Variants in ALDH7A1 observed in about 807,000 individuals in gnomAD.
ALDH7A1 encodes alpha-aminoadipic semialdehyde dehydrogenase.
A neutral mutation model predicts 79.9 loss-of-function variants in ALDH7A1; 63 were observed. The ratio of observed to expected loss-of-function variants is 0.79; its 90% CI spans 0.64 to 0.97. ALDH7A1 has a LOEUF of 0.97. Ranked by LOEUF, ALDH7A1 falls within the 50% of genes least tolerant of loss-of-function variation. ALDH7A1 has a pLI of 0.00. For synonymous variants in ALDH7A1, 240 were observed against 231.2 expected (o/e 1.04, Z -0.34); for missense variants, 627 against 665.2 (o/e 0.94, Z 0.63).
intron 7 of ALDH7A1, among the ~76,000 whole-genome samples, chr5:126,574,128 G>A (rs1157418699): frequency 6.6e-6 from 1 of 151,970 alleles, no homozygotes; most frequent in Non-Finnish European, 1.5e-5. Flanking sequence ...TCTAGGCTGG[G>A]CACAGTGGCT....
intron 3 of ALDH7A1, among the ~76,000 whole-genome samples, chr5:126,585,959 A>G (rs143255897): frequency 8.5e-5 from 13 of 152,344 alleles, no homozygotes; most frequent in African/African-American, 2.6e-4. Context: ...CTAGTAAAGA[A>G]AAAAAGAAAC....
intron 12 of ALDH7A1, 46 bp from the exon 13 acceptor site, chr5:126,554,439 G>A: frequency 6.6e-7 from 1 of 1,507,106 alleles, no homozygotes; most frequent in Non-Finnish European, 9.2e-7. Context: ...GCCCTTTATG[G>A]CATCGTTTTA....
intron 7 of ALDH7A1, among the ~76,000 whole-genome samples, chr5:126,572,564 G>A (rs1750811683): frequency 6.6e-6 from 1 of 152,192 alleles, no homozygotes. Flanking sequence ...CCGGCTTATG[G>A]TAAAAATGAT....
At chr5:126,591,201 G>A (rs969558845) in intron 3 of ALDH7A1, among the ~76,000 whole-genome samples, 5 of 151,964 alleles carry the variant, frequency 3.3e-5, no homozygotes. Flanking sequence ...ACACTGTTTT[G>A]GACAGTATTC....
intron 5 of ALDH7A1, among the ~76,000 whole-genome samples, chr5:126,577,599 A>G (rs1291948485): frequency 6.6e-6 from 1 of 151,802 alleles, no homozygotes; most frequent in Admixed American, 6.6e-5. Flanking sequence ...AGTCAGTCTC[A>G]CTCTGTCACC....
chr5:126,590,663 T>C (rs1478657418), intron 3 of ALDH7A1, among the ~76,000 whole-genome samples: 1 of 152,106 alleles, frequency 6.6e-6, no homozygotes, highest in Admixed American at 6.5e-5. Context: ...AGAGGGCAGA[T>C]CGTTTGAACT....
intron 5 of ALDH7A1, among the ~76,000 whole-genome samples, chr5:126,579,404 C>T (rs905691660): frequency 6.6e-6 from 1 of 152,196 alleles, no homozygotes; most frequent in Non-Finnish European, 1.5e-5. Flanking sequence ...ATGTGCCCAC[C>T]ATCCTACCGT....
chr5:126,545,122 GATC>G, intron 17 of ALDH7A1, 103 bp from the exon 18 acceptor site: 1 of 859,498 alleles, frequency 1.2e-6, no homozygotes, highest in Non-Finnish European at 1.9e-6. Context: ...AACAAGGCAA[GATC>G]TCCAAGTTAC....
chr5:126,585,461 G>GCT (rs1260474281), intron 3 of ALDH7A1, among the ~76,000 whole-genome samples: 1 of 152,108 alleles, frequency 6.6e-6, no homozygotes, highest in East Asian at 1.9e-4. Flanking sequence ...GTTCTTCCTT[G>GCT]CTCTCTCTTC....
At chr5:126,583,837 C>CAAA in intron 4 of ALDH7A1, 95 bp downstream of exon 4, 43 of 895,050 alleles carry the variant, frequency 4.8e-5, no homozygotes, top group East Asian at 9.1e-5. Context: ...GACTCCATCT[C>CAAA]AAAAAAAAAA....
At chr5:126,576,724 A>C (rs1238072859) in intron 6 of ALDH7A1, among the ~76,000 whole-genome samples, 2 of 152,060 alleles carry the variant, frequency 1.3e-5, no homozygotes, top group East Asian at 1.9e-4. Flanking sequence ...TCAGGAGTTC[A>C]AAACCAGCCT....
At chr5:126,586,912 C>G (rs925124652) in intron 3 of ALDH7A1, 1 of 151,984 alleles carries the variant, frequency 6.6e-6, no homozygotes, top group Non-Finnish European at 1.5e-5. Flanking sequence ...ATGGTGAGAC[C>G]CTGTCTCTAC....
At chr5:126,550,682 CT>C (rs1749964665) in intron 14 of ALDH7A1, among the ~76,000 whole-genome samples, 1 of 152,166 alleles carries the variant, frequency 6.6e-6, no homozygotes, top group Non-Finnish European at 1.5e-5. Flanking sequence ...CAACTGAGGC[CT>C]ACAGAGACTA....
Position 126,560,240 on chromosome 5 carries a change from G to C in ALDH7A1, c.913+843C>G, listed in dbSNP as rs111408205. 8.5e-3 allele frequency among the ~76,000 whole-genome samples: 1,291 copies of C among 152,322 alleles called. 11 individuals are homozygous for C. Among genetic ancestry groups the C allele is most frequent in the Non-Finnish European group, 0.014 (958 of 68,028 alleles). ...TAATCCCAGCACTTTGGGAGGCCAAGGCAGGCGGATCACCTGAAGTCAGGA... is the reference window on the plus strand; with the variant it reads ...TAATCCCAGCACTTTGGGAGGCCAACGCAGGCGGATCACCTGAAGTCAGGA... On this transcript the variant is annotated intron_variant, in intron 10 of 17. Transcript: ENST00000409134.
chr5:126,592,852 C>T, intron 2 of ALDH7A1, 123 bp from the exon 3 acceptor site: 1 of 960,282 alleles, frequency 1.0e-6, no homozygotes, highest in Admixed American at 2.1e-5. Context: ...ACATTTATGG[C>T]TGAGAATGAT....
intron 13 of ALDH7A1, 58 bp from the exon 14 acceptor site, chr5:126,552,195 G>T (rs890807074): frequency 3.8e-6 from 5 of 1,307,298 alleles, no homozygotes; most frequent in South Asian, 1.2e-5. Flanking sequence ...AGGACTTGGG[G>T]TCAGAGGATG....
chr5:126,551,315 T>C (rs1257197755), intron 14 of ALDH7A1, among the ~76,000 whole-genome samples: 1 of 148,142 alleles, frequency 6.8e-6, no homozygotes, highest in Non-Finnish European at 1.5e-5. Flanking sequence ...TTTATAACTA[T>C]AGGTCTTTTT....
intron 7 of ALDH7A1, among the ~76,000 whole-genome samples, chr5:126,573,766 T>C (rs1465869465): frequency 1.4e-5 from 2 of 146,124 alleles, no homozygotes; most frequent in Admixed American, 6.8e-5. Flanking sequence ...ACTTGGGAGG[T>C]TGAGGCAGGA....
chr5:126,553,036 C>T (rs1750059772), intron 13 of ALDH7A1, among the ~76,000 whole-genome samples: 2 of 152,288 alleles, frequency 1.3e-5, no homozygotes, highest in African/African-American at 4.8e-5. Flanking sequence ...GCCACTGCAC[C>T]TGGCAATATG....
Sources: allele counts gnomAD v4.1 joint callset (sites outside exome capture counted in the v4.1 genomes callset), GRCh38; gene constraint gnomAD v4.1.1; transcripts MANE v1.5; gene names NCBI Gene and HGNC (gene_info 2026-07-23, HGNC 2026-07-21).